The following UEVLD variants were observed in gnomAD, a reference collection of about 807,000 sequenced individuals.
UEVLD encodes UEV and lactate/malate dehyrogenase domains, also known as ubiquitin-conjugating enzyme E2 variant 3.
UEVLD carries 47 observed loss-of-function variants against 58.6 expected under a neutral mutation model. The ratio of observed to expected loss-of-function variants is 0.80; its 90% confidence interval spans 0.63 to 1.02. The LOEUF is 1.02. UEVLD is among the 50% of genes least tolerant of loss of function. The pLI is 0.00. For synonymous variants in UEVLD, 197 were observed against 195.3 expected, an observed-to-expected ratio of 1.01 and a Z score of -0.07; for missense variants, 510 against 550.6, an observed-to-expected ratio of 0.93 and a Z score of 0.74.
At chr11:18,554,003 A>G (rs750897477) in intron 7 of UEVLD, among the ~76,000 whole-genome samples, 20 of 152,210 alleles carry the variant, frequency 1.3e-4, no homozygotes, top group Non-Finnish European at 1.8e-4. Flanking sequence ...TAAAAAGATA[A>G]AAGGATTTAA....
At chr11:18,566,798 A>T (rs947024428) in intron 4 of UEVLD, among the ~76,000 whole-genome samples, 2 of 152,242 alleles carry the variant, frequency 1.3e-5, no homozygotes, top group Non-Finnish European at 2.9e-5. Context: ...AAAATTACTG[A>T]ATACTTTTAA....
In UEVLD at chr11:18,559,566, G is replaced by A. The variant is rs188311869; in HGVS notation, c.613-1236C>T. Among the ~76,000 whole-genome samples, 540 of 152,158 alleles carry A rather than the reference G, an allele frequency of 3.5e-3. 6 individuals are homozygous for A. Among genetic ancestry groups the A allele is most frequent in the Middle Eastern group, 0.014 (4 of 294 alleles). The stretch of plus-strand genomic sequence containing the variant: ...TGGTGCACTCAATACTTCTGCTATT[G>A]CTCTTGATTTATGTTTTCATTTTGA... On this transcript the variant is annotated intron_variant, in intron 6 of 11. Transcript: ENST00000396197.
intron 1 of UEVLD, among the ~76,000 whole-genome samples, chr11:18,585,188 G>T (rs933343413): frequency 3.9e-5 from 6 of 152,054 alleles, no homozygotes; most frequent in African/African-American, 1.2e-4. Context: ...ACCACACCTG[G>T]CTGCCTCTTC....
intron 7 of UEVLD, among the ~76,000 whole-genome samples, chr11:18,549,596 T>G (rs1851441600): frequency 6.6e-6 from 1 of 151,750 alleles, no homozygotes; most frequent in East Asian, 2.0e-4. Flanking sequence ...TTTTTGTATT[T>G]TTAGTAAAGA....
chr11:18,564,827 A>T, intron 6 of UEVLD, 65 bp downstream of exon 6: 1 of 1,210,894 alleles, frequency 8.3e-7, no homozygotes, highest in Non-Finnish European at 1.2e-6. Context: ...TTGGTGTGTA[A>T]AACACAACCT....
chr11:18,555,564 G>A (rs1050442698), intron 7 of UEVLD, among the ~76,000 whole-genome samples: 2 of 151,900 alleles, frequency 1.3e-5, no homozygotes, highest in South Asian at 2.1e-4. Context: ...CTCCATCCTG[G>A]GCAACAGAGT....
chr11:18,568,811 T>A (rs1852431948), intron 4 of UEVLD, among the ~76,000 whole-genome samples: 1 of 152,204 alleles, frequency 6.6e-6, no homozygotes, highest in Non-Finnish European at 1.5e-5. Flanking sequence ...TAAAAAGTGA[T>A]AATCCTAAGG....
intron 7 of UEVLD, among the ~76,000 whole-genome samples, chr11:18,556,222 A>G (rs1444203040): frequency 1.3e-5 from 2 of 152,228 alleles, no homozygotes; most frequent in African/African-American, 4.8e-5. Flanking sequence ...AGAGTCTCCT[A>G]AAGTGATTTT....
At chr11:18,557,951 T>G (rs1375275960) in intron 7 of UEVLD, among the ~76,000 whole-genome samples, 1 of 152,214 alleles carries the variant, frequency 6.6e-6, no homozygotes, top group Non-Finnish European at 1.5e-5. Context: ...GAGATAAATT[T>G]ATTTTGAGGT....
chr11:18,536,622 T>C (rs1284853908), intron 9 of UEVLD, 153 bp from the exon 10 acceptor site: 2 of 615,922 alleles, frequency 3.2e-6, no homozygotes, highest in African/African-American at 1.9e-5. Context: ...TGGATAACAA[T>C]GAATGTGCTG....
intron 11 of UEVLD, among the ~76,000 whole-genome samples, chr11:18,533,689 C>T (rs1160385831): frequency 6.6e-6 from 1 of 152,152 alleles, no homozygotes; most frequent in African/African-American, 2.4e-5. Context: ...TAGAAGTCCA[C>T]ACTTTTTTTG....
intron 9 of UEVLD, among the ~76,000 whole-genome samples, chr11:18,537,047 C>T (rs1190188210): frequency 6.6e-6 from 1 of 151,548 alleles, no homozygotes; most frequent in Non-Finnish European, 1.5e-5. Context: ...AGGCACATGC[C>T]ACCATGCCCT....
chr11:18,555,751 C>T (rs969427156), intron 7 of UEVLD, among the ~76,000 whole-genome samples: 1 of 151,950 alleles, frequency 6.6e-6, no homozygotes, highest in African/African-American at 2.4e-5. Context: ...AGTTTAAGAC[C>T]ACCCAGGGCA....
At chr11:18,538,655 G>A (rs1194501040) in intron 9 of UEVLD, among the ~76,000 whole-genome samples, 3 of 61,170 alleles carry the variant, frequency 4.9e-5, no homozygotes, top group Non-Finnish European at 6.7e-5. Flanking sequence ...GTACACAATC[G>A]AGGAAAATAC....
intron 1 of UEVLD, among the ~76,000 whole-genome samples, chr11:18,583,908 A>G (rs546998620): frequency 2.0e-5 from 3 of 152,054 alleles, no homozygotes; most frequent in Non-Finnish European, 4.4e-5. Context: ...TGATCCACCC[A>G]CCTCAGCCTC....
rs373838911 is a variant in UEVLD, at chr11:18,576,278, C to T, written c.128-866G>A. ...TTAAAAATTATGGTTTATGGCCGGG[C>T]ACGGTGGCTCACACCTGTAATCCCA... is the stretch of plus-strand genomic sequence containing the variant. On this transcript the variant is annotated intron_variant, in intron 2 of 11. Coordinates refer to ENST00000396197, the MANE Select transcript of UEVLD (RefSeq NM_001040697.4). Among the ~76,000 whole-genome samples the T allele has an allele frequency of 3.3e-5, 5 of 152,144 alleles. No homozygotes were observed. In the East Asian group the frequency reaches 7.7e-4, roughly 23 times the overall value.
chr11:18,568,341 C>A (rs1390153379), intron 4 of UEVLD, among the ~76,000 whole-genome samples: 2 of 152,132 alleles, frequency 1.3e-5, no homozygotes, highest in Non-Finnish European at 2.9e-5. Flanking sequence ...TGAATTCCTG[C>A]AACATGGTAC....
chr11:18,558,329 C>T lies in UEVLD; in HGVS notation c.614G>A (p.Gly205Asp), dbSNP rs765156441. The T allele has an allele frequency of 4.4e-6, 7 of 1,597,732 alleles. No homozygotes were observed. The South Asian group carries it at 6.8e-5, about 16-fold the overall frequency. ...IACTLAISAK[G>D]IADRLVLLDL... is the part of the protein sequence containing the mutation. ...TAAGAGGACAAGCCTGTCTGCAATA[C>T]CCTGTACAGTAAGAGAAAGAACATT... Residue 205 changes from glycine to aspartate, a missense_variant and splice_region_variant, in exon 7 of 12, where the codon GGT becomes GAT. Gly to Asp is a moderately conservative substitution (Grantham distance 94, BLOSUM62 -1). Coordinates refer to ENST00000396197, the MANE Select transcript of UEVLD (RefSeq NM_001040697.4).
chr11:18,578,816 G>A lies in UEVLD; in HGVS notation c.43-8C>T. On this transcript the variant is annotated splice_polypyrimidine_tract_variant and splice_region_variant and intron_variant, in intron 1 of 11. Transcript: ENST00000396197. ...TAGGTCCCTGAACTTGTACTGAAAA[G>A]AGAAAAATAAGCATGGAGTAAGAAT... The A allele has an allele frequency of 1.9e-6, 3 of 1,566,786 alleles. No individual in the cohort carries two copies. Among genetic ancestry groups the A allele is most frequent in the Non-Finnish European group, 1.7e-6 (2 of 1,156,160 alleles).
Sources: gnomAD v4.1 joint callset for allele counts (sites outside exome capture counted in the v4.1 genomes callset) on GRCh38, gnomAD v4.1.1 for gene constraint, MANE v1.5 for transcripts, NCBI Gene and HGNC (gene_info 2026-07-23, HGNC 2026-07-21) for gene names.